NCAN: variants seen among roughly 807,000 people sequenced by gnomAD.
NCAN encodes neurocan core protein.
Under a neutral mutation model 121.8 loss-of-function variants are expected in NCAN, and 47 were observed. The observed-to-expected ratio is 0.39, with a 90% CI of 0.31 to 0.49. The LOEUF is 0.49. Ranked by LOEUF, NCAN falls within the 20% of genes least tolerant of loss-of-function variation. The pLI, the probability that NCAN is intolerant of heterozygous loss-of-function variation, is 0.92. For missense variants in NCAN, 1,517 were observed against 1,773.4 expected (o/e 0.86, Z 2.60); for synonymous variants, 633 against 702.0 (o/e 0.90, Z 1.55).
At chr19:19,233,441 A>T (rs569427744) in intron 8 of NCAN, among the ~76,000 whole-genome samples, 120 of 152,184 alleles carry the variant, frequency 7.9e-4, no homozygotes, top group African/African-American at 2.8e-3. Context: ...GAGGGGAAGG[A>T]CACTGAAGTC....
intron 1 of NCAN, among the ~76,000 whole-genome samples, chr19:19,216,404 C>T (rs1458659834): frequency 1.3e-5 from 2 of 152,064 alleles, no homozygotes; most frequent in East Asian, 1.9e-4. Flanking sequence ...CTCCACCTCC[C>T]GGGTTCAAGT....
rs1448835285 is a variant in NCAN, at chr19:19,251,563, C to T, written c.*1652C>T. On this transcript the variant is annotated 3_prime_UTR_variant, in exon 15 of 15. Coordinates refer to ENST00000252575, the MANE Select transcript of NCAN (RefSeq NM_004386.3). ...TACTCTGGCTCTGCTTACACTTTCT[C>T]TCCATCACCAAATCCTTACTCCAAA... The T allele has an allele frequency of 6.6e-6, 1 of 152,160 alleles. No individual in the cohort carries two copies. Among genetic ancestry groups the T allele is most frequent in the Non-Finnish European group, 1.5e-5 (1 of 68,034 alleles). 9.4% of individuals were successfully genotyped at this position (152,160 alleles called of 1,614,324 possible).
chr19:19,248,982 T>G, intron 14 of NCAN, 100 bp downstream of exon 14: 1 of 1,288,766 alleles, frequency 7.8e-7, no homozygotes, highest in Non-Finnish European at 1.1e-6. Flanking sequence ...GCTTAATGTC[T>G]GCCTGATAAT....
chr19:19,249,045 TTGTGTGTGTGTG>T (rs112544518), intron 14 of NCAN, 163 bp downstream of exon 14: 813 of 548,804 alleles, frequency 1.5e-3, no homozygotes, highest in East Asian at 6.6e-3. Flanking sequence ...TTTCCTTCAT[TTGTGTGTGTGTG>T]TGTGTGTGTG....
intron 8 of NCAN, among the ~76,000 whole-genome samples, chr19:19,230,750 A>T (rs1387110838): frequency 7.7e-6 from 1 of 130,106 alleles, no homozygotes; most frequent in Non-Finnish European, 1.6e-5. Flanking sequence ...TTTTTTCCAG[A>T]CAGGGTCTTG....
At chr19:19,230,731 C>CTT (rs1214694253) in intron 8 of NCAN, among the ~76,000 whole-genome samples, 9 of 131,788 alleles carry the variant, frequency 6.8e-5, no homozygotes, top group Admixed American at 1.5e-4. Flanking sequence ...TTTTTTTTTC[C>CTT]TTTTTTTTTT....
In NCAN at chr19:19,227,796, C is replaced by T; in HGVS notation, c.2176C>T (p.Pro726Ser). 4.3e-6 allele frequency: 7 copies of T among 1,613,694 alleles called. No individual in the cohort carries two copies. The highest frequency in any genetic ancestry group is 5.9e-6 in the Non-Finnish European group (7 of 1,180,024). The change falls in exon 8 of 15, where the codon CCA (proline) becomes TCA (serine). Residue 726 changes from proline to serine, a missense_variant. Coordinates refer to ENST00000252575, the MANE Select transcript of NCAN (RefSeq NM_004386.3). The surrounding 1 kb of genome is among the most constrained non-coding windows in gnomAD (Gnocchi z 4.2). ...VNKAEHSSSSPWPSVNRNVAV... is the reference protein window; with the variant it reads ...VNKAEHSSSSSWPSVNRNVAV... The stretch of plus-strand genomic sequence containing the variant: ...CAAAGCTGAGCACTCCAGCTCCAGC[C>T]CATGGCCTTCTGTAAACAGGAATGT...
chr19:19,214,232 T>TCA (rs893547154), intron 1 of NCAN, among the ~76,000 whole-genome samples: 1 of 151,826 alleles, frequency 6.6e-6, no homozygotes, highest in South Asian at 2.1e-4. Context: ...ACACACTCTC[T>TCA]CACACACACA....
chr19:19,228,688 T>C (rs2060847435), intron 8 of NCAN, 49 bp downstream of exon 8: 2 of 1,544,528 alleles, frequency 1.3e-6, no homozygotes, highest in Non-Finnish European at 1.8e-6. Context: ...GGTCAGGGCT[T>C]GGGGAGCAGG....
chr19:19,244,177 C>G (rs999673938), intron 12 of NCAN, among the ~76,000 whole-genome samples: 1 of 152,090 alleles, frequency 6.6e-6, no homozygotes, highest in East Asian at 1.9e-4. Context: ...ACACCCCAGC[C>G]CCATCACGCA....
Position 19,233,831 on chromosome 19 carries a change from G to A in NCAN, c.3062G>A (p.Gly1021Glu). ...PCENNPCLHG[G>E]TCNANGTMYG... Reference sequence around the variant, plus strand: ...GAGAACAACCCTTGTCTTCATGGAGGGACATGTAATGCCAATGGCACCATG... The same window carrying A: ...GAGAACAACCCTTGTCTTCATGGAGAGACATGTAATGCCAATGGCACCATG... Residue 1021 changes from glycine to glutamate, a missense_variant, in exon 9 of 15, where the codon GGG becomes GAG. Gly to Glu is a moderately conservative substitution (Grantham distance 98). Coordinates refer to ENST00000252575, the MANE Select transcript of NCAN (RefSeq NM_004386.3). The A allele has an allele frequency of 6.2e-7, 1 of 1,614,012 alleles. No homozygotes were observed.
intron 5 of NCAN, 29 bp downstream of exon 5, chr19:19,224,462 C>T (rs1485794309): frequency 4.4e-6 from 7 of 1,605,336 alleles, no homozygotes; most frequent in Non-Finnish European, 5.1e-6. Context: ...GGACCCGGCC[C>T]CTCCGCCTCT....
intron 12 of NCAN, among the ~76,000 whole-genome samples, chr19:19,244,309 C>CTTTTTTTTTTTTTT (rs532412223): frequency 7.8e-6 from 1 of 127,660 alleles, no homozygotes; most frequent in African/African-American, 3.1e-5. Context: ...CCCTTACTAT[C>CTTTTTTTTTTTTTT]TTTTTTTTTT....
chr19:19,236,670 T>C (rs2060882251), intron 10 of NCAN, among the ~76,000 whole-genome samples: 1 of 151,826 alleles, frequency 6.6e-6, no homozygotes, highest in Admixed American at 6.6e-5. Context: ...GTTCATGTGA[T>C]CCTCCTGCCT....
Position 19,250,559 on chromosome 19 carries a change from G to T in NCAN, c.*648G>T. The T allele has an allele frequency of 4.4e-6, 1 of 226,552 alleles. No homozygotes were observed. The highest frequency in any genetic ancestry group is 7.0e-5 in the South Asian group (1 of 14,374). The allele number at this position is 226,552 out of a possible 1,614,324, so 14.0% of individuals were successfully genotyped here. A position where few individuals can be genotyped will look rare whatever the true frequency, so the allele number is the denominator to read the frequency against. On this transcript the variant is annotated 3_prime_UTR_variant, in exon 15 of 15. Transcript: ENST00000252575. ...TGCCTTCAGAGTTAGGAGTGAGAAT[G>T]ATCAAAGCAATATGTAGGTGATGGA...
Position 19,248,875 on chromosome 19 carries a change from C to T in NCAN, c.3813C>T (p.Cys1271=). 6.2e-7 allele frequency: 1 copy of T among 1,613,984 alleles called. No individual in the cohort carries two copies. The highest frequency in any genetic ancestry group is 1.3e-5 in the African/African-American group (1 of 75,066). Residue 1271 remains cysteine, a synonymous_variant, in exon 14 of 15, where the codon TGC becomes TGT. Transcript: ENST00000252575. ...NGKWDRPQIV[C]TKPRRSHRMR... is the part of the protein sequence containing the mutation. ...AGTGGGACAGGCCCCAAATTGTCTG[C>T]ACCAAACGTAAGTAGCTTCTCCCAG...
chr19:19,245,452 G>A lies in NCAN; in HGVS notation c.3632G>A (p.Gly1211Asp), dbSNP rs764861195. The A allele has an allele frequency of 3.1e-6, 5 of 1,613,870 alleles. No individual in the cohort carries two copies. In the East Asian group the frequency reaches 1.1e-4, roughly 36 times the overall value. ...NYNLPYVCKK[G>D]TVLCGPPPAV... The stretch of plus-strand genomic sequence containing the variant: ...AACCTACCCTATGTCTGCAAGAAGG[G>A]CACAGGTATGCTGTGCCCCCTGCTT... The change falls in exon 13 of 15, where the codon GGC becomes GAC. Residue 1211 changes from glycine (G) to aspartate (D), a missense_variant. Physicochemically the swap from Gly to Asp is moderately conservative, Grantham distance 94. Coordinates refer to ENST00000252575, the MANE Select transcript of NCAN (RefSeq NM_004386.3).
At chr19:19,249,397 C>T (rs2060938131) in intron 14 of NCAN, among the ~76,000 whole-genome samples, 1 of 147,204 alleles carries the variant, frequency 6.8e-6, no homozygotes, top group African/African-American at 2.5e-5. Flanking sequence ...GAAACAGAGC[C>T]TCACTCTGTT....
intron 12 of NCAN, among the ~76,000 whole-genome samples, chr19:19,241,570 G>A (rs1476745137): frequency 2.0e-5 from 3 of 152,008 alleles, no homozygotes; most frequent in Non-Finnish European, 2.9e-5. Flanking sequence ...GGGCACAGTG[G>A]TACGAGCCTG....
Sources: gnomAD v4.1 joint callset for allele counts (sites outside exome capture counted in the v4.1 genomes callset) on GRCh38, gnomAD v4.1.1 for gene constraint, Gnocchi (gnomAD v3.1) non-coding constraint, MANE v1.5 for transcripts, NCBI Gene and HGNC (gene_info 2026-07-23, HGNC 2026-07-21) for gene names.